Variants in ZC3H12B observed in about 807,000 individuals in gnomAD.
ZC3H12B encodes probable ribonuclease ZC3H12B.
A neutral mutation model predicts 43.9 loss-of-function variants in ZC3H12B; 7 were observed. The observed-to-expected ratio is 0.16, with a 90% CI of 0.09 to 0.30. The LOEUF is 0.30. Among genes scored for constraint, ZC3H12B ranks in the 10% least tolerant of loss-of-function variants. The pLI is 1.00. For synonymous variants in ZC3H12B, 222 were observed against 241.7 expected, an observed-to-expected ratio of 0.92 and a Z score of 0.76; for missense variants, 475 against 670.2, an observed-to-expected ratio of 0.71 and a Z score of 3.22.
the ZC3H12B span, among the ~76,000 whole-genome samples, chrX:65,228,103 T>G: frequency 9.0e-6 from 1 of 111,569 alleles, no homozygotes; most frequent in Non-Finnish European, 1.9e-5. Context: ...TTGACCAATA[T>G]CCTTGATGAA....
the ZC3H12B span, among the ~76,000 whole-genome samples, chrX:65,130,905 G>A: frequency 8.9e-6 from 1 of 111,857 alleles, no homozygotes; most frequent in African/African-American, 3.3e-5. Flanking sequence ...TGAGCGATGG[G>A]ATCTGATGCC....
chrX:65,124,875 CTCTTT>C, the ZC3H12B span, among the ~76,000 whole-genome samples: 1 of 110,990 alleles, frequency 9.0e-6, no homozygotes, highest in Non-Finnish European at 1.9e-5. Context: ...ATTTTCTCTC[CTCTTT>C]TCTTGGTTAA....
chrX:65,212,765 G>T, the ZC3H12B span, among the ~76,000 whole-genome samples: 30 of 96,490 alleles, frequency 3.1e-4, no homozygotes, highest in Admixed American at 1.0e-3. Flanking sequence ...ACGTTTTTCT[G>T]TCTCCCTTAG....
chrX:65,249,271 T>C, the ZC3H12B span, among the ~76,000 whole-genome samples: 7 of 112,084 alleles, frequency 6.2e-5, no homozygotes, highest in Non-Finnish European at 1.3e-4. Context: ...GAGATGAGGA[T>C]CCAGTTTTAT....
the ZC3H12B span, among the ~76,000 whole-genome samples, chrX:65,312,480 C>T: frequency 6.0e-4 from 65 of 107,697 alleles, no homozygotes; most frequent in African/African-American, 2.2e-3. Flanking sequence ...GCACCAAAAA[C>T]TGTGAGGAAA....
the ZC3H12B span, among the ~76,000 whole-genome samples, chrX:65,142,659 C>T: frequency 1.8e-5 from 2 of 112,434 alleles, no homozygotes. Flanking sequence ...CTTAATCCAT[C>T]TTGAGTTGAT....
At chrX:65,311,630 G>C in the ZC3H12B span, among the ~76,000 whole-genome samples, 7 of 111,383 alleles carry the variant, frequency 6.3e-5, no homozygotes, top group South Asian at 3.8e-4. Context: ...TTGACCCAGC[G>C]ATCCCATTAC....
intron 2 of ZC3H12B, among the ~76,000 whole-genome samples, chrX:65,381,385 A>C (rs2066437402): frequency 8.9e-6 from 1 of 111,852 alleles, no homozygotes; most frequent in Non-Finnish European, 1.9e-5. Flanking sequence ...GGCAGAAATA[A>C]AGATGTTCTT....
At chrX:65,500,807 G>A (rs1432033857) in intron 4 of ZC3H12B, among the ~76,000 whole-genome samples, 2 of 109,650 alleles carry the variant, frequency 1.8e-5, no homozygotes, top group Non-Finnish European at 3.8e-5. Flanking sequence ...CAGTCCCTCT[G>A]ATACAACGTT....
At chrX:65,456,270 G>A (rs1009937781) in intron 3 of ZC3H12B, among the ~76,000 whole-genome samples, 12 of 111,323 alleles carry the variant, frequency 1.1e-4, no homozygotes, top group East Asian at 2.8e-4. Context: ...TCAAAATAAA[G>A]GGATGGAGGA....
rs751327908 is a variant in ZC3H12B at position 65,499,841 on chromosome X, G to T, written c.984-42G>T. 15 of 1,088,897 alleles carry T rather than the reference G, an allele frequency of 1.4e-5. No individual in the cohort carries two copies. The Admixed American group carries it at 3.1e-4, about 22-fold the overall frequency. 89.7% of individuals were successfully genotyped at this position (1,088,897 alleles called of 1,213,427 possible). Reference sequence around the variant, plus strand: ...TCTGAACTCCTAGTAAGGAGTAGGGGACAGAAAGGAAGACAGTCACCTCTT... The same window carrying T: ...TCTGAACTCCTAGTAAGGAGTAGGGTACAGAAAGGAAGACAGTCACCTCTT... On this transcript the variant is annotated intron_variant, in intron 3 of 4. Coordinates refer to ENST00000338957, the Ensembl canonical transcript of ZC3H12B.
the ZC3H12B span, among the ~76,000 whole-genome samples, chrX:65,129,570 A>C: frequency 9.0e-6 from 1 of 110,799 alleles, no homozygotes; most frequent in African/African-American, 3.3e-5. Context: ...GTCGTCAGTT[A>C]AGGCAAGAAC....
the ZC3H12B span, among the ~76,000 whole-genome samples, chrX:65,205,345 G>T: frequency 1.8e-5 from 2 of 111,506 alleles, no homozygotes; most frequent in African/African-American, 3.3e-5. Context: ...TTAAAGAGTT[G>T]TATGTTAATA....
At chrX:65,040,419 A>G in the ZC3H12B span, among the ~76,000 whole-genome samples, 1 of 105,846 alleles carries the variant, frequency 9.4e-6, no homozygotes, top group Non-Finnish European at 1.9e-5. Context: ...CTTGGATTAC[A>G]TAGTTGTTGC....
the ZC3H12B span, among the ~76,000 whole-genome samples, chrX:65,228,866 GC>G: frequency 9.0e-6 from 1 of 111,445 alleles, no homozygotes; most frequent in Non-Finnish European, 1.9e-5. Flanking sequence ...ACAAACCACT[GC>G]TCAAGGAAAT....
the ZC3H12B span, among the ~76,000 whole-genome samples, chrX:65,274,167 C>G: frequency 8.9e-6 from 1 of 111,913 alleles, no homozygotes; most frequent in Non-Finnish European, 1.9e-5. Context: ...CATTACTCCC[C>G]ATTTCTACTG....
At chrX:65,361,846 G>A (rs1464057156), upstream of ZC3H12B, among the ~76,000 whole-genome samples, 2 of 111,765 alleles carry the variant, frequency 1.8e-5, no homozygotes, top group Non-Finnish European at 3.8e-5. Flanking sequence ...AGGCAGCCAA[G>A]TAGCAACATA....
At chrX:65,275,836 A>G in the ZC3H12B span, among the ~76,000 whole-genome samples, 1 of 112,420 alleles carries the variant, frequency 8.9e-6, no homozygotes, top group African/African-American at 3.2e-5. Flanking sequence ...ATAATTCTAC[A>G]GACTCCAATC....
intron 3 of ZC3H12B, among the ~76,000 whole-genome samples, chrX:65,465,085 A>G (rs2067800179): frequency 9.0e-6 from 1 of 111,405 alleles, no homozygotes; most frequent in South Asian, 3.7e-4. Context: ...CAGCTGTCAG[A>G]TGTAATGTTC....
Sources: gnomAD v4.1 joint callset for allele counts (sites outside exome capture counted in the v4.1 genomes callset) on GRCh38, gnomAD v4.1.1 for gene constraint, MANE v1.5 for transcripts, NCBI Gene and HGNC (gene_info 2026-07-23, HGNC 2026-07-21) for gene names.